The following NLK variants were observed in gnomAD, a reference collection of about 807,000 sequenced individuals.
The protein encoded by NLK is serine/threonine-protein kinase NLK.
Under a neutral mutation model 59.0 loss-of-function variants are expected in NLK, and 11 were observed. That is an observed-to-expected ratio of 0.19 (90% CI 0.12 to 0.31). NLK has a LOEUF of 0.31. Ranked by LOEUF, NLK falls within the 10% of genes least tolerant of loss-of-function variation. The probability of loss-of-function intolerance (pLI) is 1.00; values close to 1 mark genes in which losing one functional copy is unlikely to be tolerated. For missense variants in NLK, 410 were observed against 661.1 expected, an observed-to-expected ratio of 0.62 and a Z score of 4.16; for synonymous variants, 235 against 235.9, an observed-to-expected ratio of 1.00 and a Z score of 0.03.
chr17:28,202,262 TG>T, the NLK span, among the ~76,000 whole-genome samples: 3 of 152,060 alleles, frequency 2.0e-5, no homozygotes, highest in African/African-American at 7.2e-5. Flanking sequence ...TAGCTGGACA[TG>T]GTAGTGCCTG....
chr17:28,094,926 C>CAAA (rs1904646809), intron 1 of NLK, among the ~76,000 whole-genome samples: 1 of 152,128 alleles, frequency 6.6e-6, no homozygotes, highest in East Asian at 1.9e-4. Flanking sequence ...ATTGTTTTCT[C>CAAA]CACAGGGCAG....
At chr17:28,119,546 A>G (rs1905929784) in intron 1 of NLK, among the ~76,000 whole-genome samples, 1 of 152,196 alleles carries the variant, frequency 6.6e-6, no homozygotes, top group African/African-American at 2.4e-5. Context: ...CACTGTGTTA[A>G]ATCAATTTAT....
At chr17:28,164,435 A>G (rs1281460001) in intron 5 of NLK, among the ~76,000 whole-genome samples, 2 of 152,050 alleles carry the variant, frequency 1.3e-5, no homozygotes, top group Non-Finnish European at 2.9e-5. Context: ...TATCCAATGT[A>G]TTTCCATAAT....
intron 2 of NLK, among the ~76,000 whole-genome samples, chr17:28,125,200 T>TA (rs1343468748): frequency 6.6e-6 from 1 of 152,192 alleles, no homozygotes; most frequent in African/African-American, 2.4e-5. Flanking sequence ...TCCTAGTAAC[T>TA]AATTAAGTTA....
At chr17:28,083,301 T>C (rs899157450) in intron 1 of NLK, among the ~76,000 whole-genome samples, 1 of 152,226 alleles carries the variant, frequency 6.6e-6, no homozygotes, top group Non-Finnish European at 1.5e-5. Flanking sequence ...TAAACATGTA[T>C]CATCCTTCTT....
At position 28,167,781 on chromosome 17, in the gene NLK, A is replaced by G. The variant is rs551999637; in HGVS notation, c.838-667A>G. On this transcript the variant is annotated intron_variant, in intron 5 of 10. Transcript: ENST00000407008. ...GAGACTGAGGTGGGAGGAGCCTCAG[A>G]TCGATCACGCCACTGCACTCCAGCC... is the stretch of plus-strand genomic sequence containing the variant. 5.9e-5 allele frequency among the ~76,000 whole-genome samples: 9 copies of G among 151,960 alleles called. No individual in the cohort carries two copies. The East Asian group carries it at 1.8e-3, about 30-fold the overall frequency.
At chr17:28,050,580 TTAAG>T (rs1262182421) in intron 1 of NLK, among the ~76,000 whole-genome samples, 1 of 152,182 alleles carries the variant, frequency 6.6e-6, no homozygotes, top group Non-Finnish European at 1.5e-5. Context: ...CTGAAAGTTT[TTAAG>T]TAAGAGAGAC....
At chr17:28,124,629 T>A (rs1366541176) in intron 2 of NLK, among the ~76,000 whole-genome samples, 1 of 152,236 alleles carries the variant, frequency 6.6e-6, no homozygotes, top group East Asian at 1.9e-4. Flanking sequence ...AGTTCTTTCT[T>A]AGTTATTTCT....
intron 3 of NLK, among the ~76,000 whole-genome samples, chr17:28,137,397 AAAAT>A (rs1906800591): frequency 1.3e-5 from 2 of 152,152 alleles, no homozygotes; most frequent in Non-Finnish European, 2.9e-5. Context: ...GTTGTGAGGG[AAAAT>A]AAATAATCCT....
chr17:28,066,942 G>C (rs190916788), intron 1 of NLK, among the ~76,000 whole-genome samples: 2 of 152,004 alleles, frequency 1.3e-5, no homozygotes, highest in Non-Finnish European at 1.5e-5. Flanking sequence ...ATTTTAATTG[G>C]GTGGCTTTCT....
Position 28,172,590 on chromosome 17 carries a change from C to G in NLK, c.1121C>G (p.Ala374Gly), listed in dbSNP as rs1186355717. 1.9e-6 allele frequency: 3 copies of G among 1,584,302 alleles called. No individual in the cohort carries two copies. The African/African-American group carries it at 4.1e-5, about 22-fold the overall frequency. Residue 374 changes from alanine to glycine, a missense_variant, in exon 7 of 11, where the codon GCA becomes GGA. By Grantham distance (60) the Ala-to-Gly change is moderately conservative. Coordinates refer to ENST00000407008, the MANE Select transcript of NLK (RefSeq NM_016231.5). ...AMRTACEGAK[A>G]HILRGPHKQP... ...AGGACAGCTTGTGAAGGCGCTAAGG[C>G]ACATATACTCAGGGGTCCTCATAAA...
Position 28,168,445 on chromosome 17 carries a change from T to A in NLK, c.838-3T>A. The A allele has an allele frequency of 6.2e-7, 1 of 1,606,754 alleles. No individual in the cohort carries two copies. The highest frequency in any genetic ancestry group is 1.1e-5 in the South Asian group (1 of 90,886). On this transcript the variant is annotated splice_region_variant and splice_polypyrimidine_tract_variant and intron_variant, in intron 5 of 10. Coordinates refer to ENST00000407008, the MANE Select transcript of NLK (RefSeq NM_016231.5). ...TAATGTTTTGATTGCCTTTTCTGTCTAGATTTGTGATTTTGGATTGGCCAG... is the reference window on the plus strand; with the variant it reads ...TAATGTTTTGATTGCCTTTTCTGTCAAGATTTGTGATTTTGGATTGGCCAG...
rs570668182 is a variant in NLK at position 28,130,216 on chromosome 17, A to G, written c.589-2404A>G. Among the ~76,000 whole-genome samples the G allele has an allele frequency of 2.0e-5, 3 of 152,192 alleles. No homozygotes were observed. In the South Asian group the frequency reaches 6.2e-4, roughly 32 times the overall value. On this transcript the variant is annotated intron_variant, in intron 2 of 10. Transcript: ENST00000407008. Reference sequence around the variant, plus strand: ...ATAGTGGGGCTTATAGAGAATCTCTAGCTATTTAAATGGGGTGTCAGGCAT... The same window carrying G: ...ATAGTGGGGCTTATAGAGAATCTCTGGCTATTTAAATGGGGTGTCAGGCAT...
intron 6 of NLK, 41 bp from the exon 7 acceptor site, chr17:28,172,476 T>C: frequency 7.4e-7 from 1 of 1,359,182 alleles, no homozygotes; most frequent in Non-Finnish European, 1.0e-6. Context: ...AAAAGTTATT[T>C]CCATGAGATT....
intron 2 of NLK, among the ~76,000 whole-genome samples, chr17:28,123,753 G>A (rs1432809920): frequency 4.6e-5 from 7 of 152,120 alleles, no homozygotes; most frequent in African/African-American, 1.2e-4. Flanking sequence ...AAATAGACTC[G>A]TGTTTTGACA....
At chr17:28,174,427 T>G (rs1187353190) in intron 7 of NLK, among the ~76,000 whole-genome samples, 5 of 152,116 alleles carry the variant, frequency 3.3e-5, no homozygotes, top group Admixed American at 2.0e-4. Flanking sequence ...GGCAGCCCTT[T>G]CCAGTCTTGG....
rs763906543 is a variant in NLK at position 28,125,090 on chromosome 17, A to G, written c.588+2358A>G. ...AGAAATTTGCTTACTAATGATGTCAATGGCTTACTATATTCCAACCAATCT... is the reference window on the plus strand; with the variant it reads ...AGAAATTTGCTTACTAATGATGTCAGTGGCTTACTATATTCCAACCAATCT... On this transcript the variant is annotated intron_variant, in intron 2 of 10. Transcript: ENST00000407008. Among the ~76,000 whole-genome samples the G allele has an allele frequency of 4.1e-4, 63 of 152,124 alleles. 1 individual carries two copies. Among genetic ancestry groups the G allele is most frequent in the Non-Finnish European group, 7.4e-5 (5 of 68,002 alleles).
At chr17:28,185,289 A>T (rs1567740597) in intron 8 of NLK, 24 bp downstream of exon 8, 2 of 1,372,012 alleles carry the variant, frequency 1.5e-6, no homozygotes, top group Non-Finnish European at 2.0e-6. Context: ...TTTTTTATAT[A>T]TTTTTAATGA....
At chr17:28,162,182 A>C (rs1408737858) in intron 4 of NLK, among the ~76,000 whole-genome samples, 1 of 151,844 alleles carries the variant, frequency 6.6e-6, no homozygotes, top group Non-Finnish European at 1.5e-5. Flanking sequence ...CGCCCAGCTA[A>C]TTTTTTGTAT....
Sources: gnomAD v4.1 joint callset for allele counts (sites outside exome capture counted in the v4.1 genomes callset) on GRCh38, gnomAD v4.1.1 for gene constraint, MANE v1.5 for transcripts, NCBI Gene and HGNC (gene_info 2026-07-23, HGNC 2026-07-21) for gene names.